KCNQ1OT1: variants seen among roughly 807,000 people sequenced by gnomAD.
KCNQ1OT1 encodes KCNQ1 antisense RNA 2 (non-protein coding).
rs549280963 is a variant in KCNQ1OT1, at chr11:2,609,964, T to G, written n.90031A>C. On this transcript the variant is annotated non_coding_transcript_exon_variant, in exon 1 of 1. Transcript: ENST00000597346. ...TGGATCCTGTTTTTCAAATCTGGTC[T>G]GATAATTCCTGCCTTTGATTAGATT... is the stretch of plus-strand genomic sequence containing the variant. 1.0e-5 allele frequency: 4 copies of G among 398,056 alleles called. No individual in the cohort carries two copies. The East Asian group carries it at 1.4e-4, about 14-fold the overall frequency. 24.7% of individuals were successfully genotyped at this position (398,056 alleles called of 1,614,324 possible). A position where few individuals can be genotyped will look rare whatever the true frequency, so the allele number is the denominator to read the frequency against.
chr11:2,653,277 G>T lies in KCNQ1OT1; in HGVS notation n.46718C>A. 1 of 398,744 alleles carries T rather than the reference G, an allele frequency of 2.5e-6. No homozygotes were observed. Among genetic ancestry groups the T allele is most frequent in the Non-Finnish European group, 4.4e-6 (1 of 226,124 alleles). 24.7% of individuals were successfully genotyped at this position (398,744 alleles called of 1,614,324 possible). ...TCCCTGCCCTCTGCCCTGAAAACTAGTGGGGGCAGTGCAGACCAGTTTAGC... is the reference window on the plus strand; with the variant it reads ...TCCCTGCCCTCTGCCCTGAAAACTATTGGGGGCAGTGCAGACCAGTTTAGC... On this transcript the variant is annotated non_coding_transcript_exon_variant, in exon 1 of 1. Transcript: ENST00000597346. The surrounding 1 kb of genome is among the most constrained non-coding windows in gnomAD (Gnocchi z 5.3).
Position 2,611,303 on chromosome 11 carries a change from T to C in KCNQ1OT1, n.88692A>G, listed in dbSNP as rs370511198. ...GGCGTGACCTTGGCTCACTGCAACC[T>C]CTGCCTCCCGGATTCAAGCCGTTCT... On this transcript the variant is annotated non_coding_transcript_exon_variant, in exon 1 of 1. Transcript: ENST00000597346. This position sits in a 1 kb window ranked among gnomAD's most constrained non-coding sequence, Gnocchi z 5.3. 107 of 397,468 alleles carry C rather than the reference T, an allele frequency of 2.7e-4. No individual in the cohort carries two copies. The highest frequency in any genetic ancestry group is 4.3e-4 in the South Asian group (3 of 7,030). The allele number at this position is 397,468 out of a possible 1,614,324, so 24.6% of individuals were successfully genotyped here.
In KCNQ1OT1 at chr11:2,654,503, C is replaced by A. The variant is rs200623938; in HGVS notation, n.45492G>T. 15 of 398,574 alleles carry A rather than the reference C, an allele frequency of 3.8e-5. No individual in the cohort carries two copies. Among genetic ancestry groups the A allele is most frequent in the Non-Finnish European group, 4.4e-6 (1 of 226,206 alleles). The allele number at this position is 398,574 out of a possible 1,614,324, so 24.7% of individuals were successfully genotyped here. On this transcript the variant is annotated non_coding_transcript_exon_variant, in exon 1 of 1. Transcript: ENST00000597346. The surrounding 1 kb of genome is among the most constrained non-coding windows in gnomAD (Gnocchi z 6.4). The stretch of plus-strand genomic sequence containing the variant: ...GCCGTACAGGGGAGGGGGCAATCTC[C>A]GGAGCCCTGGAAAGCTTGTGGAAGA...
exon 1 of KCNQ1OT1, chr11:2,643,816 G>C (rs1347863598): frequency 2.5e-6 from 1 of 398,406 alleles, no homozygotes; most frequent in East Asian, 3.6e-5. Context: ...ACTTTTAAGG[G>C]AAATACTTTA....
At position 2,647,547 on chromosome 11, in the gene KCNQ1OT1, G is replaced by A; in HGVS notation, n.52448C>T. On this transcript the variant is annotated non_coding_transcript_exon_variant, in exon 1 of 1. Coordinates refer to ENST00000597346, the Ensembl canonical transcript of KCNQ1OT1. The surrounding 1 kb of genome is among the most constrained non-coding windows in gnomAD (Gnocchi z 4.0). ...GTTAGGGAGAATTCCTTTCTCTTCA[G>A]TCTTTTGGAATTGTCTGAGAAGAAT... 1 of 398,546 alleles carries A rather than the reference G, an allele frequency of 2.5e-6. No homozygotes were observed. Among genetic ancestry groups the A allele is most frequent in the Non-Finnish European group, 4.4e-6 (1 of 226,036 alleles). 24.7% of individuals were successfully genotyped at this position (398,546 alleles called of 1,614,324 possible).
chr11:2,646,349 CAAA>C (rs1564843868), exon 1 of KCNQ1OT1: 1 of 398,514 alleles, frequency 2.5e-6, no homozygotes, highest in Non-Finnish European at 4.4e-6. Context: ...TGGGATGTCT[CAAA>C]AAATTTTGTA....
chr11:2,679,107 G>T lies in KCNQ1OT1; in HGVS notation n.20888C>A, dbSNP rs933567426. Reference sequence around the variant, plus strand: ...GTGTCATAGCTAGAGCTAGAGTGCTGTTATAAGCTGTGCAGGCCAAAATGG... The same window carrying T: ...GTGTCATAGCTAGAGCTAGAGTGCTTTTATAAGCTGTGCAGGCCAAAATGG... On this transcript the variant is annotated non_coding_transcript_exon_variant, in exon 1 of 1. Transcript: ENST00000597346. This position sits in a 1 kb window ranked among gnomAD's most constrained non-coding sequence, Gnocchi z 4.8. 3 of 398,548 alleles carry T rather than the reference G, an allele frequency of 7.5e-6. No individual in the cohort carries two copies. The highest frequency in any genetic ancestry group is 1.3e-5 in the Non-Finnish European group (3 of 226,074). The allele number at this position is 398,548 out of a possible 1,614,324, so 24.7% of individuals were successfully genotyped here. A position where few individuals can be genotyped will look rare whatever the true frequency, so the allele number is the denominator to read the frequency against.
At chr11:2,631,825 C>G in exon 1 of KCNQ1OT1, 1 of 398,546 alleles carries the variant, frequency 2.5e-6, no homozygotes, top group Non-Finnish European at 4.4e-6. Flanking sequence ...TGTCCTGATG[C>G]TGTCGTGTAA....
At chr11:2,694,105 G>GT in exon 1 of KCNQ1OT1, 1 of 398,676 alleles carries the variant, frequency 2.5e-6, no homozygotes, top group Non-Finnish European at 4.4e-6. Flanking sequence ...CAGCCCATAG[G>GT]TTGTGGGACT....
In KCNQ1OT1 at chr11:2,661,873, C is replaced by G; in HGVS notation, n.38122G>C. On this transcript the variant is annotated non_coding_transcript_exon_variant, in exon 1 of 1. Coordinates refer to ENST00000597346, the Ensembl canonical transcript of KCNQ1OT1. This position sits in a 1 kb window ranked among gnomAD's most constrained non-coding sequence, Gnocchi z 5.9. ...TCCAGGCACAAGCTCCACTCCTCAC[C>G]TGGCCCTGGGAGCTCACAGGCCTGG... The G allele has an allele frequency of 6.5e-7, 1 of 1,549,928 alleles. No homozygotes were observed. The highest frequency in any genetic ancestry group is 8.9e-7 in the Non-Finnish European group (1 of 1,123,454).
chr11:2,673,051 G>C lies in KCNQ1OT1; in HGVS notation n.26944C>G, dbSNP rs995242098. ...TATAGGGTCTAGGGCTGGCCAAAAG[G>C]GACAGTGAAGTTGGCTTCTCAGGCC... is the stretch of plus-strand genomic sequence containing the variant. On this transcript the variant is annotated non_coding_transcript_exon_variant, in exon 1 of 1. Coordinates refer to ENST00000597346, the Ensembl canonical transcript of KCNQ1OT1. This position sits in a 1 kb window ranked among gnomAD's most constrained non-coding sequence, Gnocchi z 4.5. 6 of 398,640 alleles carry C rather than the reference G, an allele frequency of 1.5e-5. No individual in the cohort carries two copies. Among genetic ancestry groups the C allele is most frequent in the Non-Finnish European group, 2.7e-5 (6 of 226,176 alleles). The allele number at this position is 398,640 out of a possible 1,614,324, so 24.7% of individuals were successfully genotyped here. A position where few individuals can be genotyped will look rare whatever the true frequency, so the allele number is the denominator to read the frequency against.
At chr11:2,641,139 G>A (rs1202704737) in exon 1 of KCNQ1OT1, 1 of 398,294 alleles carries the variant, frequency 2.5e-6, no homozygotes, top group Non-Finnish European at 4.4e-6. Flanking sequence ...GGGGATGCAG[G>A]TACATTTTTA....
In KCNQ1OT1 at chr11:2,652,437, C is replaced by T. The variant is rs1252571475; in HGVS notation, n.47558G>A. On this transcript the variant is annotated non_coding_transcript_exon_variant, in exon 1 of 1. Transcript: ENST00000597346. This position sits in a 1 kb window ranked among gnomAD's most constrained non-coding sequence, Gnocchi z 5.9. Reference sequence around the variant, plus strand: ...AATTTTGTCTTGAAAATCAAGGCCACTTTTTTGTTTTCTCCATCCAAAGAC... The same window carrying T: ...AATTTTGTCTTGAAAATCAAGGCCATTTTTTTGTTTTCTCCATCCAAAGAC... 1 of 398,582 alleles carries T rather than the reference C, an allele frequency of 2.5e-6. No homozygotes were observed. Among genetic ancestry groups the T allele is most frequent in the East Asian group, 3.6e-5 (1 of 28,078 alleles). 24.7% of individuals were successfully genotyped at this position (398,582 alleles called of 1,614,324 possible). A position where few individuals can be genotyped will look rare whatever the true frequency, so the allele number is the denominator to read the frequency against.
In KCNQ1OT1 at chr11:2,677,399, C is replaced by A. The variant is rs1850312978; in HGVS notation, n.22596G>T. 2.5e-6 allele frequency: 1 copy of A among 398,518 alleles called. No homozygotes were observed. 24.7% of individuals were successfully genotyped at this position (398,518 alleles called of 1,614,324 possible). ...TTGAAGAGGAAACCAAGATCGATGC[C>A]TAGATAAGCATTTCAGAGGACAGCA... On this transcript the variant is annotated non_coding_transcript_exon_variant, in exon 1 of 1. Coordinates refer to ENST00000597346, the Ensembl canonical transcript of KCNQ1OT1. This position sits in a 1 kb window ranked among gnomAD's most constrained non-coding sequence, Gnocchi z 4.5.
exon 1 of KCNQ1OT1, chr11:2,656,568 T>C: frequency 2.5e-6 from 1 of 398,680 alleles, no homozygotes; most frequent in Non-Finnish European, 4.4e-6. Flanking sequence ...TCATCAGCCT[T>C]TTGGATTCCT....
Position 2,691,794 on chromosome 11 carries a change from C to G in KCNQ1OT1, n.8201G>C. The stretch of plus-strand genomic sequence containing the variant: ...CCAGTGGCCATCCACTGCCAGCAAT[C>G]AGAGAATCACAAGCACTGGATCCAA... On this transcript the variant is annotated non_coding_transcript_exon_variant, in exon 1 of 1. Transcript: ENST00000597346. The surrounding 1 kb of genome is among the most constrained non-coding windows in gnomAD (Gnocchi z 6.4). 1 of 398,686 alleles carries G rather than the reference C, an allele frequency of 2.5e-6. No individual in the cohort carries two copies. The highest frequency in any genetic ancestry group is 4.4e-6 in the Non-Finnish European group (1 of 226,130). The allele number at this position is 398,686 out of a possible 1,614,324, so 24.7% of individuals were successfully genotyped here. A position where few individuals can be genotyped will look rare whatever the true frequency, so the allele number is the denominator to read the frequency against.
chr11:2,640,141 C>T (rs572343708), exon 1 of KCNQ1OT1: 1 of 349,860 alleles, frequency 2.9e-6, no homozygotes, highest in Non-Finnish European at 5.1e-6. Context: ...AATTCCCTGA[C>T]CCCTTGTGCT....
At chr11:2,689,563 T>A (rs1232994145) in exon 1 of KCNQ1OT1, 18 of 398,512 alleles carry the variant, frequency 4.5e-5, no homozygotes, top group Non-Finnish European at 6.6e-5. Context: ...GAATGAATGA[T>A]GTGGAAATCT....
chr11:2,681,835 C>A, exon 1 of KCNQ1OT1: 1 of 398,532 alleles, frequency 2.5e-6, no homozygotes, highest in Non-Finnish European at 4.4e-6. Context: ...ATCCATGCTC[C>A]CCAAACATCA....
Sources: gnomAD v4.1 joint callset for allele counts on GRCh38, gnomAD v4.1.1 for gene constraint, Gnocchi (gnomAD v3.1) non-coding constraint, MANE v1.5 for transcripts, NCBI Gene and HGNC (gene_info 2026-07-23, HGNC 2026-07-21) for gene names.